DLGAP2: variants seen among roughly 807,000 people sequenced by gnomAD.
The protein encoded by DLGAP2 is DLG associated protein 2, also known as disks large-associated protein 2.
In DLGAP2, 26 loss-of-function variants were observed where a neutral mutation model predicts 100.3. The observed-to-expected ratio is 0.26, with a 90% CI of 0.19 to 0.36. The LOEUF is 0.36. DLGAP2 is among the 10% of genes least tolerant of loss of function. The pLI is 1.00. For missense variants in DLGAP2, 1,858 were observed against 1,453.2 expected (o/e 1.28, Z -4.53); for synonymous variants, 886 against 630.1 (o/e 1.41, Z -6.08).
chr8:1,590,251 G>A (rs1796251374), intron 6 of DLGAP2, among the ~76,000 whole-genome samples: 1 of 152,176 alleles, frequency 6.6e-6, no homozygotes, highest in Non-Finnish European at 1.5e-5. Flanking sequence ...GAGGCACTGG[G>A]GGTGAGGATC....
At chr8:880,594 TG>T (rs1563076535) in intron 1 of DLGAP2, among the ~76,000 whole-genome samples, 1 of 141,990 alleles carries the variant, frequency 7.0e-6, no homozygotes, top group Non-Finnish European at 1.5e-5. Flanking sequence ...TGGGTCGGGG[TG>T]ACCGTCCAGT....
intron 1 of DLGAP2, among the ~76,000 whole-genome samples, chr8:873,621 C>T (rs546848697): frequency 1.6e-4 from 24 of 151,976 alleles, no homozygotes; most frequent in African/African-American, 5.6e-4. Context: ...ATGAGATATT[C>T]ATCTTTAGCC....
intron 2 of DLGAP2, among the ~76,000 whole-genome samples, chr8:1,239,982 T>G (rs35161695): frequency 7.0e-6 from 1 of 142,636 alleles, no homozygotes; most frequent in Non-Finnish European, 1.5e-5. Flanking sequence ...TAGCGTCTTG[T>G]CTAGTTCTCT....
chr8:1,251,809 C>T (rs372760163), intron 2 of DLGAP2, among the ~76,000 whole-genome samples: 79 of 152,166 alleles, frequency 5.2e-4, no homozygotes, highest in African/African-American at 1.8e-3. Context: ...GTCACGTCAT[C>T]GCACTGTTGC....
intron 2 of DLGAP2, among the ~76,000 whole-genome samples, chr8:967,679 C>G (rs11995517): frequency 0.02 from 2,954 of 144,898 alleles, 111 homozygotes; most frequent in African/African-American, 0.071. Context: ...GTACAAATAC[C>G]TATGTACATT....
At chr8:1,449,546 C>A (rs991554181) in intron 3 of DLGAP2, among the ~76,000 whole-genome samples, 3 of 152,188 alleles carry the variant, frequency 2.0e-5, no homozygotes, top group African/African-American at 7.2e-5. Flanking sequence ...GGCACCACAG[C>A]CACTGAGTCC....
At chr8:1,433,055 C>T (rs1446775067) in intron 3 of DLGAP2, among the ~76,000 whole-genome samples, 4 of 152,186 alleles carry the variant, frequency 2.6e-5, no homozygotes, top group African/African-American at 9.6e-5. Context: ...AAGTTTTAGT[C>T]CCAGGGCACT....
intron 4 of DLGAP2, among the ~76,000 whole-genome samples, chr8:1,503,908 G>A (rs1051138838): frequency 6.6e-6 from 1 of 152,130 alleles, no homozygotes; most frequent in Non-Finnish European, 1.5e-5. Flanking sequence ...GGAGGGAGAG[G>A]GAGGAACTGC....
intron 4 of DLGAP2, among the ~76,000 whole-genome samples, chr8:1,512,102 C>T (rs545208530): frequency 3.9e-5 from 6 of 152,290 alleles, no homozygotes; most frequent in South Asian, 2.1e-4. Context: ...GGCTGAGGGC[C>T]GACGGCCTCC....
chr8:1,491,959 C>G (rs1274042240), intron 3 of DLGAP2, among the ~76,000 whole-genome samples: 1 of 152,210 alleles, frequency 6.6e-6, no homozygotes, highest in African/African-American at 2.4e-5. Context: ...GACGAGTGCA[C>G]CTGGTGACTG....
At chr8:841,511 G>A (rs1796983418) in intron 1 of DLGAP2, among the ~76,000 whole-genome samples, 1 of 152,178 alleles carries the variant, frequency 6.6e-6, no homozygotes, top group South Asian at 2.1e-4. Flanking sequence ...GGTTACTAGG[G>A]GTGTACGTTG....
At chr8:1,269,267 G>A (rs1277779185) in intron 3 of DLGAP2, among the ~76,000 whole-genome samples, 1 of 152,178 alleles carries the variant, frequency 6.6e-6, no homozygotes, top group Non-Finnish European at 1.5e-5. Flanking sequence ...GCTGGGTGCC[G>A]GGAGGAGGAG....
chr8:1,345,617 T>G (rs1225936580), intron 3 of DLGAP2, among the ~76,000 whole-genome samples: 1 of 152,248 alleles, frequency 6.6e-6, no homozygotes, highest in East Asian at 1.9e-4. Flanking sequence ...TCATGTGTGT[T>G]AACACGTCTG....
chr8:1,332,187 G>T (rs1406875761), intron 3 of DLGAP2, among the ~76,000 whole-genome samples: 1 of 152,134 alleles, frequency 6.6e-6, no homozygotes, highest in Non-Finnish European at 1.5e-5. Flanking sequence ...GAGCGTATTT[G>T]CGTTTATTTG....
intron 2 of DLGAP2, among the ~76,000 whole-genome samples, chr8:1,086,077 G>A (rs1803964450): frequency 1.3e-5 from 2 of 152,034 alleles, no homozygotes; most frequent in Admixed American, 1.3e-4. Flanking sequence ...TTTATTGTTA[G>A]TGTAGAGAAA....
chr8:1,206,662 G>T (rs945915616), intron 2 of DLGAP2, among the ~76,000 whole-genome samples: 1 of 152,238 alleles, frequency 6.6e-6, no homozygotes, highest in Non-Finnish European at 1.5e-5. Context: ...GTGGACTGGG[G>T]TAGACTGTGA....
chr8:944,379 T>C (rs940828369), intron 2 of DLGAP2, among the ~76,000 whole-genome samples: 2 of 151,950 alleles, frequency 1.3e-5, no homozygotes, highest in African/African-American at 4.8e-5. Flanking sequence ...CAGTGAGTGG[T>C]AACCAATCCC....
At chr8:810,415 T>A (rs913275650) in intron 1 of DLGAP2, among the ~76,000 whole-genome samples, 5 of 152,246 alleles carry the variant, frequency 3.3e-5, no homozygotes, top group African/African-American at 1.2e-4. Flanking sequence ...ATACAGTGAT[T>A]TTAAAACAAT....
At chr8:1,451,663 C>T (rs908016374) in intron 3 of DLGAP2, among the ~76,000 whole-genome samples, 7 of 152,128 alleles carry the variant, frequency 4.6e-5, no homozygotes, top group Admixed American at 2.0e-4. Context: ...ACATCGAAAA[C>T]TGAGGTCCCC....
Sources: gnomAD v4.1 joint callset for allele counts (sites outside exome capture counted in the v4.1 genomes callset) on GRCh38, gnomAD v4.1.1 for gene constraint, MANE v1.5 for transcripts, NCBI Gene and HGNC (gene_info 2026-07-23, HGNC 2026-07-21) for gene names.